INTS2: variants seen among roughly 807,000 people sequenced by gnomAD.
INTS2 encodes the protein KIAA1287.
A neutral mutation model predicts 139.6 loss-of-function variants in INTS2; 57 were observed. That is an observed-to-expected ratio of 0.41 (90% CI 0.33 to 0.51). The LOEUF (loss-of-function observed/expected upper bound fraction) is 0.51, where lower values mean the gene tolerates loss of function less well. INTS2 is among the 20% of genes least tolerant of loss of function. The pLI is 0.28. For synonymous variants in INTS2, 473 were observed against 493.4 expected, an observed-to-expected ratio of 0.96 and a Z score of 0.55; for missense variants, 1,196 against 1,436.7, an observed-to-expected ratio of 0.83 and a Z score of 2.71.
At chr17:61,913,878 TTAAC>T (rs763500505) in intron 5 of INTS2, among the ~76,000 whole-genome samples, 6 of 152,156 alleles carry the variant, frequency 3.9e-5, no homozygotes, top group Non-Finnish European at 8.8e-5. Flanking sequence ...TAAAATATAA[TTAAC>T]TGTTTAAAAC....
rs777768466 is a variant in INTS2 at position 61,909,041 on chromosome 17, C to T, written c.955-1407G>A. On this transcript the variant is annotated intron_variant, in intron 7 of 24. Transcript: ENST00000251334. The surrounding 1 kb of genome is among the most constrained non-coding windows in gnomAD (Gnocchi z 4.9). ...ATTAAAACATTTTGCAAGTTAAAAA[C>T]TGTTGCAAAATACATATGCATAAGC... Among the ~76,000 whole-genome samples, 1 of 152,104 alleles carries T rather than the reference C, an allele frequency of 6.6e-6. No individual in the cohort carries two copies. The highest frequency in any genetic ancestry group is 6.6e-5 in the Admixed American group (1 of 15,264).
At chr17:61,883,878 A>C (rs1246878692) in intron 16 of INTS2, among the ~76,000 whole-genome samples, 1 of 152,018 alleles carries the variant, frequency 6.6e-6, no homozygotes, top group Non-Finnish European at 1.5e-5. Flanking sequence ...GCGTGGTGGC[A>C]TAGGCCTGTA....
intron 9 of INTS2, among the ~76,000 whole-genome samples, chr17:61,901,902 T>C (rs1359484658): frequency 6.6e-6 from 1 of 152,134 alleles, no homozygotes; most frequent in Admixed American, 6.5e-5. Context: ...CTGGCCATTT[T>C]GCTCCTTCAG....
intron 7 of INTS2, among the ~76,000 whole-genome samples, chr17:61,908,009 C>T (rs534811340): frequency 3.3e-5 from 5 of 152,266 alleles, no homozygotes; most frequent in South Asian, 2.1e-4. Flanking sequence ...TACTATTAGA[C>T]GATTATATAC....
At chr17:61,926,312 T>C in intron 2 of INTS2, 40 bp downstream of exon 2, 2 of 1,466,852 alleles carry the variant, frequency 1.4e-6, no homozygotes, top group East Asian at 2.3e-5. Flanking sequence ...CCCTGTTCTT[T>C]GTCAAATCCA....
rs2079126080 is a variant in INTS2, at chr17:61,876,260, T to C, written c.2457-1222A>G. Among the ~76,000 whole-genome samples, 2 of 152,138 alleles carry C rather than the reference T, an allele frequency of 1.3e-5. No homozygotes were observed. ...AGTCACATATGAGAATAATTCAGCA[T>C]CTCAAAAAAGTTAAGTTTACCACAC... is the stretch of plus-strand genomic sequence containing the variant. On this transcript the variant is annotated intron_variant, in intron 18 of 24. Transcript: ENST00000251334. This position sits in a 1 kb window ranked among gnomAD's most constrained non-coding sequence, Gnocchi z 4.1.
rs2079078242 is a variant in INTS2 at position 61,870,234 on chromosome 17, C to T, written c.2779-246G>A. Among the ~76,000 whole-genome samples, 1 of 152,130 alleles carries T rather than the reference C, an allele frequency of 6.6e-6. No individual in the cohort carries two copies. Among genetic ancestry groups the T allele is most frequent in the Non-Finnish European group, 1.5e-5 (1 of 68,012 alleles). On this transcript the variant is annotated intron_variant, in intron 20 of 24. Transcript: ENST00000251334. The surrounding 1 kb of genome is among the most constrained non-coding windows in gnomAD (Gnocchi z 4.4). ...CCCTCTCCCGATAAAAATTAACATA[C>T]ATAAACAAACATCATTACATAATGA...
chr17:61,899,959 T>C (rs2079388308), intron 9 of INTS2, among the ~76,000 whole-genome samples: 1 of 149,666 alleles, frequency 6.7e-6, no homozygotes, highest in South Asian at 2.1e-4. Context: ...TTTGAGATAA[T>C]GTTTAGAAAG....
In INTS2 at chr17:61,895,370, GGC is replaced by G; in HGVS notation, c.1506_1507del (p.Lys502AsnfsTer18). 6.4e-7 allele frequency: 1 copy of G among 1,574,732 alleles called. No individual in the cohort carries two copies. The highest frequency in any genetic ancestry group is 8.6e-7 in the Non-Finnish European group (1 of 1,164,430). On this transcript the variant is annotated frameshift_variant, in exon 12 of 25. Transcript: ENST00000251334. LOFTEE classifies it high-confidence loss of function. ...TGTCTTCATCCTGCTCAAGGAGCTT[GGC>G]TTAATTACAATCTAAAATTACCAAA... is the stretch of plus-strand genomic sequence containing the variant.
intron 12 of INTS2, 146 bp from the exon 13 acceptor site, chr17:61,894,045 T>C: frequency 2.1e-6 from 1 of 486,546 alleles, no homozygotes; most frequent in Non-Finnish European, 3.5e-6. Flanking sequence ...CATGTTTTAA[T>C]TGTCTTTGAA....
At chr17:61,910,365 G>A (rs2079513920) in intron 7 of INTS2, 2 of 152,228 alleles carry the variant, frequency 1.3e-5, no homozygotes, top group Non-Finnish European at 2.9e-5. Flanking sequence ...GGAGGCCCAG[G>A]TGGGTGGATC....
Position 61,867,998 on chromosome 17 carries a change from C to T in INTS2, c.3256G>A (p.Ala1086Thr). ...GGCATAAAAAAAGCATACCGCTTAG[C>T]CTGTGTTAAAACTGTTGGAAAAAAA... ...MGTLLTVLTQ[A>T]KRYAFFMPTL... is the part of the protein sequence containing the mutation. The change falls in exon 24 of 25, where the codon GCT (alanine) becomes ACT (threonine). Residue 1086 changes from alanine (A) to threonine (T), a missense_variant. By Grantham distance (58) the Ala-to-Thr change is moderately conservative. This residue lies in a region of INTS2 where 1,129 missense variants were observed against 1,341.9 expected (regional missense o/e 0.84). Coordinates refer to ENST00000251334, the MANE Select transcript of INTS2 (RefSeq NM_001351695.2). This position sits in a 1 kb window ranked among gnomAD's most constrained non-coding sequence, Gnocchi z 5.6. 6.3e-7 allele frequency: 1 copy of T among 1,585,646 alleles called. No homozygotes were observed. The highest frequency in any genetic ancestry group is 8.5e-7 in the Non-Finnish European group (1 of 1,171,660).
In INTS2 at chr17:61,876,394, T is replaced by A. The variant is rs886524071; in HGVS notation, c.2457-1356A>T. On this transcript the variant is annotated intron_variant, in intron 18 of 24. Coordinates refer to ENST00000251334, the MANE Select transcript of INTS2 (RefSeq NM_001351695.2). The surrounding 1 kb of genome is among the most constrained non-coding windows in gnomAD (Gnocchi z 4.1). ...CAACAAAGAAGAGTGACAATAGCAA[T>A]TTGTCCCAGATGGGAACATGAAGAC... Among the ~76,000 whole-genome samples the A allele has an allele frequency of 7.2e-5, 11 of 151,750 alleles. 1 individual carries two copies. The highest frequency in any genetic ancestry group is 1.7e-4 in the African/African-American group (7 of 41,328).
At chr17:61,918,471 G>A (rs746616339) in intron 5 of INTS2, among the ~76,000 whole-genome samples, 2 of 151,936 alleles carry the variant, frequency 1.3e-5, no homozygotes, top group African/African-American at 2.4e-5. Context: ...CAAACTCCTG[G>A]CCTGAAATGA....
Position 61,897,604 on chromosome 17 carries a change from A to C in INTS2, c.1380-21T>G. On this transcript the variant is annotated intron_variant, in intron 10 of 24. Transcript: ENST00000251334. The surrounding 1 kb of genome is among the most constrained non-coding windows in gnomAD (Gnocchi z 4.4). ...AAGTACTGTCAAAACAAAATAGGAA[A>C]TATGAATTTTCCAAAGAGAGAAGAA... 6.3e-7 allele frequency: 1 copy of C among 1,586,630 alleles called. No homozygotes were observed.
intron 5 of INTS2, among the ~76,000 whole-genome samples, chr17:61,915,816 TAA>T (rs1193639396): frequency 1.5e-3 from 97 of 64,174 alleles, no homozygotes; most frequent in African/African-American, 5.2e-3. Context: ...AGACTCTGTC[TAA>T]AAAAAAAAAA....
In INTS2 at chr17:61,891,599, TA is replaced by T; in HGVS notation, c.1788del (p.Thr597LeufsTer59). 5 of 1,613,394 alleles carry T rather than the reference TA, an allele frequency of 3.1e-6. No individual in the cohort carries two copies. The highest frequency in any genetic ancestry group is 4.2e-6 in the Non-Finnish European group (5 of 1,179,502). On this transcript the variant is annotated frameshift_variant, in exon 14 of 25. Coordinates refer to ENST00000251334, the MANE Select transcript of INTS2 (RefSeq NM_001351695.2). LOFTEE classifies it high-confidence loss of function. ...TCTGGATTAGATTTCGACGCAGGAG[TA>T]AGTATAGAATTTATGTACACATCAA... ...PLIDVYINSI[L>X]TPASKSNPEA...
Position 61,880,866 on chromosome 17 carries a change from A to T in INTS2, c.2254+141T>A, listed in dbSNP as rs947703076. 19 of 620,582 alleles carry T rather than the reference A, an allele frequency of 3.1e-5. No homozygotes were observed. The African/African-American group carries it at 3.2e-4, about 11-fold the overall frequency. The allele number at this position is 620,582 out of a possible 1,614,324, so 38.4% of individuals were successfully genotyped here. On this transcript the variant is annotated intron_variant, in intron 17 of 24. Transcript: ENST00000251334. ...AGCATAAAATTCCTTAAACGCAAAG[A>T]GTATTTTATATACTTAAAATACATT...
At position 61,927,924 on chromosome 17, in the gene INTS2, G is replaced by T. The variant is rs756818339; in HGVS notation, c.-289C>A. The T allele has an allele frequency of 1.2e-6, 2 of 1,613,958 alleles. No individual in the cohort carries two copies. The highest frequency in any genetic ancestry group is 2.2e-5 in the East Asian group (1 of 44,876). On this transcript the variant is annotated 5_prime_UTR_variant, in exon 1 of 25. It introduces an in-frame stop codon into an upstream open reading frame of the 5' UTR. Coordinates refer to ENST00000251334, the MANE Select transcript of INTS2 (RefSeq NM_001351695.2). ...GAAAAGCGGGAGACTTTTTCAACCT[G>T]CACCCAGCACCTTCATTCATCCCCA...
Sources: gnomAD v4.1 joint callset for allele counts (sites outside exome capture counted in the v4.1 genomes callset) on GRCh38, gnomAD v4.1.1 for gene constraint, gnomAD v4.1.1 regional missense constraint, Gnocchi (gnomAD v3.1) non-coding constraint, MANE v1.5 for transcripts, NCBI Gene and HGNC (gene_info 2026-07-23, HGNC 2026-07-21) for gene names.